The following CCDC91 variants were observed in gnomAD, a reference collection of about 807,000 sequenced individuals.
The protein encoded by CCDC91 is coiled-coil domain-containing protein 91.
CCDC91 carries 48 observed loss-of-function variants against 63.2 expected under a neutral mutation model. The ratio of observed to expected loss-of-function variants is 0.76; its 90% CI spans 0.60 to 0.97. CCDC91 has a LOEUF of 0.97. Among genes scored for constraint, CCDC91 ranks in the 50% least tolerant of loss-of-function variants. The pLI is 0.00. For missense variants in CCDC91, 500 were observed against 494.6 expected, an observed-to-expected ratio of 1.01 and a Z score of -0.10; for synonymous variants, 167 against 165.8, an observed-to-expected ratio of 1.01 and a Z score of -0.06.
chr12:28,305,081 A>G (rs1250267050), intron 3 of CCDC91, among the ~76,000 whole-genome samples: 2 of 152,148 alleles, frequency 1.3e-5, no homozygotes, highest in Non-Finnish European at 2.9e-5. Context: ...ACTTTAATGC[A>G]GATATTGTTG....
At chr12:28,494,154 T>C (rs1952159875) in intron 12 of CCDC91, among the ~76,000 whole-genome samples, 1 of 151,706 alleles carries the variant, frequency 6.6e-6, no homozygotes, top group Non-Finnish European at 1.5e-5. Context: ...CTATTAGAAC[T>C]TTTCACAGGC....
chr12:28,275,932 G>T (rs915905254), intron 3 of CCDC91, among the ~76,000 whole-genome samples: 7 of 151,792 alleles, frequency 4.6e-5, no homozygotes, highest in Non-Finnish European at 8.8e-5. Context: ...CCCTTCATGC[G>T]AAAAACTCTC....
intron 3 of CCDC91, among the ~76,000 whole-genome samples, chr12:28,275,705 C>A (rs1041823555): frequency 6.6e-6 from 1 of 151,962 alleles, no homozygotes; most frequent in South Asian, 2.1e-4. Flanking sequence ...TGATGAACAC[C>A]GATGCAAAAA....
At chr12:28,496,030 T>A (rs745612637) in intron 12 of CCDC91, among the ~76,000 whole-genome samples, 17 of 151,694 alleles carry the variant, frequency 1.1e-4, no homozygotes, top group Non-Finnish European at 1.0e-4. Flanking sequence ...CTTCAACCAC[T>A]TCTAGAACCA....
intron 11 of CCDC91, among the ~76,000 whole-genome samples, chr12:28,472,512 A>C (rs2140685989): frequency 6.6e-6 from 1 of 152,300 alleles, no homozygotes; most frequent in African/African-American, 2.4e-5. Context: ...AAAAGAGGAG[A>C]ATTCTCTTTG....
intron 11 of CCDC91, among the ~76,000 whole-genome samples, chr12:28,483,727 T>C (rs762604102): frequency 6.6e-6 from 1 of 152,136 alleles, no homozygotes; most frequent in Non-Finnish European, 1.5e-5. Flanking sequence ...GGAAGTCTTA[T>C]GTGGATAGTG....
intron 6 of CCDC91, among the ~76,000 whole-genome samples, chr12:28,328,465 A>C (rs1299055821): frequency 6.6e-6 from 1 of 152,216 alleles, no homozygotes; most frequent in East Asian, 1.9e-4. Flanking sequence ...ACATTTGTTG[A>C]AACTGAACTG....
intron 8 of CCDC91, among the ~76,000 whole-genome samples, chr12:28,393,482 C>T (rs1286702352): frequency 6.6e-6 from 1 of 151,634 alleles, no homozygotes; most frequent in African/African-American, 2.4e-5. Context: ...GTCTGTCTCT[C>T]CTATTTTATT....
chr12:28,501,958 T>C (rs1402966209), intron 12 of CCDC91, among the ~76,000 whole-genome samples: 1 of 152,052 alleles, frequency 6.6e-6, no homozygotes, highest in Non-Finnish European at 1.5e-5. Flanking sequence ...TCGAGGAATT[T>C]ATCCATTTCT....
At chr12:28,502,472 A>G (rs567248625) in intron 12 of CCDC91, among the ~76,000 whole-genome samples, 31 of 151,872 alleles carry the variant, frequency 2.0e-4, no homozygotes, top group Middle Eastern at 3.4e-3. Flanking sequence ...GCTCATGGGT[A>G]GGAAGAATCA....
chr12:28,293,356 A>G (rs899357639), intron 3 of CCDC91, among the ~76,000 whole-genome samples: 1 of 152,226 alleles, frequency 6.6e-6, no homozygotes, highest in African/African-American at 2.4e-5. Context: ...TTTTGCTAAT[A>G]TTCACATACT....
intron 1 of CCDC91, among the ~76,000 whole-genome samples, chr12:28,227,957 A>G (rs1319867331): frequency 6.6e-6 from 1 of 152,096 alleles, no homozygotes; most frequent in Non-Finnish European, 1.5e-5. Flanking sequence ...ATTAAAAGTG[A>G]TAGCGTGTCT....
chr12:28,409,008 G>T (rs1657421841), intron 8 of CCDC91, among the ~76,000 whole-genome samples: 1 of 152,122 alleles, frequency 6.6e-6, no homozygotes, highest in Admixed American at 6.6e-5. Flanking sequence ...AGGGTTTATA[G>T]AATTTTCTAC....
intron 11 of CCDC91, 110 bp downstream of exon 11, chr12:28,452,764 A>G (rs1949873896): frequency 2.3e-6 from 1 of 429,806 alleles, no homozygotes. Flanking sequence ...GTAGATATTT[A>G]TGACTTTTTA....
chr12:28,193,897 T>A (rs1171128017), intron 1 of CCDC91, among the ~76,000 whole-genome samples: 5 of 152,210 alleles, frequency 3.3e-5, no homozygotes, highest in Non-Finnish European at 7.3e-5. Flanking sequence ...TTAATAGGGT[T>A]GTTTGTTATT....
chr12:28,293,371 C>T (rs564592827), intron 3 of CCDC91, among the ~76,000 whole-genome samples: 163 of 152,260 alleles, frequency 1.1e-3, no homozygotes, highest in African/African-American at 3.6e-3. Context: ...CATACTGTAA[C>T]TAGATTTCCT....
At chr12:28,263,501 A>G (rs967077477) in intron 3 of CCDC91, among the ~76,000 whole-genome samples, 13 of 152,166 alleles carry the variant, frequency 8.5e-5, no homozygotes, top group African/African-American at 1.9e-4. Flanking sequence ...AGGTTCATCC[A>G]TGTGGTAGCA....
intron 3 of CCDC91, chr12:28,268,565 A>T: frequency 1.8e-6 from 1 of 553,464 alleles, no homozygotes; most frequent in Non-Finnish European, 2.3e-6. Context: ...TGTGAAGTCT[A>T]GAATATCAGT....
At chr12:28,265,881 T>C (rs1947152706) in intron 3 of CCDC91, among the ~76,000 whole-genome samples, 1 of 152,084 alleles carries the variant, frequency 6.6e-6, no homozygotes, top group Non-Finnish European at 1.5e-5. Flanking sequence ...AAACTTTCCG[T>C]CTGTCTTTGT....
Sources: gnomAD v4.1 joint callset for allele counts (sites outside exome capture counted in the v4.1 genomes callset) on GRCh38, gnomAD v4.1.1 for gene constraint, MANE v1.5 for transcripts, NCBI Gene and HGNC (gene_info 2026-07-23, HGNC 2026-07-21) for gene names.